POGLUT3: variants seen among roughly 807,000 people sequenced by gnomAD.
The protein encoded by POGLUT3 is KDEL (Lys-Asp-Glu-Leu) containing 2.
In POGLUT3, 48 loss-of-function variants were observed where a neutral mutation model predicts 54.3. The ratio of observed to expected loss-of-function variants is 0.88; its 90% CI spans 0.70 to 1.12. The LOEUF is 1.12. POGLUT3 is among the 50% of genes most tolerant of loss of function. The probability of loss-of-function intolerance (pLI) is 0.00; values close to 1 mark genes in which losing one functional copy is unlikely to be tolerated. For synonymous variants in POGLUT3, 218 were observed against 237.4 expected (o/e 0.92, Z 0.75); for missense variants, 629 against 618.7 (o/e 1.02, Z -0.18).
chr11:108,481,479 G>T, intron 4 of POGLUT3, 103 bp from the exon 5 acceptor site: 1 of 915,428 alleles, frequency 1.1e-6, no homozygotes, highest in Non-Finnish European at 1.6e-6. Context: ...AGATGCTAAA[G>T]CTCTTTTATC....
intron 4 of POGLUT3, 52 bp downstream of exon 4, chr11:108,481,954 C>T (rs2093593483): frequency 7.1e-6 from 10 of 1,415,832 alleles, no homozygotes; most frequent in Non-Finnish European, 9.9e-6. Context: ...GTATAACCCA[C>T]TCTGTCTCTA....
chr11:108,489,316 T>C (rs1223773057), intron 2 of POGLUT3, among the ~76,000 whole-genome samples: 2 of 152,196 alleles, frequency 1.3e-5, no homozygotes, highest in Non-Finnish European at 2.9e-5. Context: ...GAAGCAATAA[T>C]GGCCATAATT....
At chr11:108,483,237 C>G (rs1431489466) in intron 3 of POGLUT3, among the ~76,000 whole-genome samples, 1 of 152,238 alleles carries the variant, frequency 6.6e-6, no homozygotes, top group Non-Finnish European at 1.5e-5. Context: ...CCCAGCTTGG[C>G]TATAAGCCTC....
rs769937201 is a variant in POGLUT3, at chr11:108,486,284, A to G, written c.557T>C (p.Phe186Ser). The change falls in exon 3 of 8, where the codon TTT becomes TCT. Residue 186 changes from phenylalanine to serine, a missense_variant. Transcript: ENST00000323468. ...QQMLKEVPKR[F>S]GDERGAIVHY... ...AACAATGGCACCTCTCTCATCCCCAAACCTTTTGGGGACTTCTTTTAGCAT... is the reference window on the plus strand; with the variant it reads ...AACAATGGCACCTCTCTCATCCCCAGACCTTTTGGGGACTTCTTTTAGCAT... 1.2e-6 allele frequency: 2 copies of G among 1,614,016 alleles called. No individual in the cohort carries two copies. Among genetic ancestry groups the G allele is most frequent in the Admixed American group, 1.7e-5 (1 of 60,006 alleles).
chr11:108,484,692 GT>G (rs2093599446), intron 3 of POGLUT3, among the ~76,000 whole-genome samples: 1 of 152,116 alleles, frequency 6.6e-6, no homozygotes, highest in African/African-American at 2.4e-5. Context: ...GGAGACAGAG[GT>G]TGCAGTGAGC....
chr11:108,494,845 A>G (rs756811764), intron 1 of POGLUT3, among the ~76,000 whole-genome samples: 4 of 152,096 alleles, frequency 2.6e-5, no homozygotes, highest in Admixed American at 6.5e-5. Flanking sequence ...GTTACTCAGC[A>G]TCTCTAGCAA....
In POGLUT3 at chr11:108,491,044, G is replaced by A. The variant is rs765740776; in HGVS notation, c.326C>T (p.Thr109Ile). 6.2e-7 allele frequency: 1 copy of A among 1,613,876 alleles called. No homozygotes were observed. Among genetic ancestry groups the A allele is most frequent in the Non-Finnish European group, 8.5e-7 (1 of 1,179,946 alleles). Residue 109 changes from threonine (T) to isoleucine (I), a missense_variant, in exon 2 of 8, where the codon ACT (threonine) becomes ATT (isoleucine). Thr to Ile is a moderately conservative substitution (Grantham distance 89). Coordinates refer to ENST00000323468, the MANE Select transcript of POGLUT3 (RefSeq NM_153705.5). The stretch of plus-strand genomic sequence containing the variant: ...CTCTATCTTCAGGCCTTCATCGACA[G>A]TTTCATACATCCTATATCTCATCAA... ...TFLMRYRMYE[T>I]VDEGLKIEVL...
chr11:108,473,787 T>G lies in POGLUT3; in HGVS notation c.*1040A>C, dbSNP rs973781219. On this transcript the variant is annotated 3_prime_UTR_variant, in exon 8 of 8. Transcript: ENST00000323468. The stretch of plus-strand genomic sequence containing the variant: ...GCATACCTTCATCTATGTTAATAAC[T>G]GTATTGTCTTTGATGGGTATACAAC... 6.6e-6 allele frequency: 1 copy of G among 152,252 alleles called. No individual in the cohort carries two copies. The highest frequency in any genetic ancestry group is 1.9e-4 in the East Asian group (1 of 5,206). 9.4% of individuals were successfully genotyped at this position (152,252 alleles called of 1,614,324 possible).
At chr11:108,485,595 G>A (rs2093601643) in intron 3 of POGLUT3, among the ~76,000 whole-genome samples, 1 of 151,818 alleles carries the variant, frequency 6.6e-6, no homozygotes, top group Non-Finnish European at 1.5e-5. Context: ...TGTCCTGTAT[G>A]GCATACCTAC....
In POGLUT3 at chr11:108,472,394, A is replaced by G. The variant is rs1458357246; in HGVS notation, c.*2433T>C. On this transcript the variant is annotated 3_prime_UTR_variant, in exon 8 of 8. Coordinates refer to ENST00000323468, the MANE Select transcript of POGLUT3 (RefSeq NM_153705.5). Reference sequence around the variant, plus strand: ...CCTTCACTCCATCTTCTCCTCAGATATTGGTGAATCTCCTCCCAAACTTTC... The same window carrying G: ...CCTTCACTCCATCTTCTCCTCAGATGTTGGTGAATCTCCTCCCAAACTTTC... 1 of 152,216 alleles carries G rather than the reference A, an allele frequency of 6.6e-6. No homozygotes were observed. The highest frequency in any genetic ancestry group is 2.4e-5 in the African/African-American group (1 of 41,452). 9.4% of individuals were successfully genotyped at this position (152,216 alleles called of 1,614,324 possible).
intron 2 of POGLUT3, chr11:108,486,704 G>A (rs1002909171): frequency 1.0e-5 from 4 of 400,050 alleles, no homozygotes; most frequent in South Asian, 6.6e-5. Flanking sequence ...TCTCTAATAA[G>A]GTATAAATGG....
chr11:108,475,356 T>C (rs533388953), intron 7 of POGLUT3, among the ~76,000 whole-genome samples: 3 of 152,318 alleles, frequency 2.0e-5, no homozygotes, highest in South Asian at 2.1e-4. Flanking sequence ...TCACACATTC[T>C]TTCTTTTAGG....
At chr11:108,487,699 C>T (rs1294294878) in intron 2 of POGLUT3, among the ~76,000 whole-genome samples, 2 of 152,080 alleles carry the variant, frequency 1.3e-5, no homozygotes, top group African/African-American at 2.4e-5. Context: ...GCAACCTCCT[C>T]CTCCCATGCT....
At chr11:108,487,350 T>G (rs2093605511) in intron 2 of POGLUT3, among the ~76,000 whole-genome samples, 1 of 152,190 alleles carries the variant, frequency 6.6e-6, no homozygotes, top group Admixed American at 6.5e-5. Context: ...GCACAGGTTC[T>G]CAGGATGTCC....
chr11:108,475,463 G>GTTTTTTTT lies in POGLUT3; in HGVS notation c.1399-512_1399-511insAAAAAAAA, dbSNP rs367899085. The stretch of plus-strand genomic sequence containing the variant: ...TATTTCTATAAATGGAGTTTTTTTT[G>GTTTTTTTT]TTTTTGTTTTTTTTTTTTTTTGAGA... On this transcript the variant is annotated intron_variant, in intron 7 of 7. Transcript: ENST00000323468. Among the ~76,000 whole-genome samples the GTTTTTTTT allele has an allele frequency of 1.1e-3, 124 of 109,972 alleles. 2 individuals are homozygous for GTTTTTTTT. Among genetic ancestry groups the GTTTTTTTT allele is most frequent in the African/African-American group, 4.0e-3 (104 of 26,002 alleles). 72.1% of individuals were successfully genotyped at this position (109,972 alleles called of 152,430 possible). A position where few individuals can be genotyped will look rare whatever the true frequency, so the allele number is the denominator to read the frequency against.
At position 108,477,592 on chromosome 11, in the gene POGLUT3, A is replaced by T; in HGVS notation, c.1398+15T>A. 1 of 1,511,906 alleles carries T rather than the reference A, an allele frequency of 6.6e-7. No individual in the cohort carries two copies. The highest frequency in any genetic ancestry group is 1.1e-5 in the South Asian group (1 of 88,380). 93.7% of individuals were successfully genotyped at this position (1,511,906 alleles called of 1,614,324 possible). On this transcript the variant is annotated intron_variant, in intron 7 of 7. Transcript: ENST00000323468. ...ACACCCGACCCAGCAGTGTGGACGG[A>T]CACTCTGAACTGACCTGCAGTACTT...
intron 6 of POGLUT3, among the ~76,000 whole-genome samples, chr11:108,478,382 T>G (rs1474353921): frequency 1.3e-5 from 2 of 152,164 alleles, no homozygotes; most frequent in African/African-American, 4.8e-5. Flanking sequence ...GAAGTACTCT[T>G]CAGCTTCCGC....
At chr11:108,490,571 C>CA (rs1378764596) in intron 2 of POGLUT3, among the ~76,000 whole-genome samples, 2 of 151,930 alleles carry the variant, frequency 1.3e-5, no homozygotes, top group African/African-American at 4.8e-5. Context: ...TCAAAGTAAA[C>CA]AAAAAACAAA....
intron 3 of POGLUT3, among the ~76,000 whole-genome samples, chr11:108,484,812 A>G (rs1229268978): frequency 1.3e-5 from 2 of 152,190 alleles, no homozygotes. Flanking sequence ...TCTCTAAGTA[A>G]GAAAGATAAA....
Sources: gnomAD v4.1 joint callset for allele counts (sites outside exome capture counted in the v4.1 genomes callset) on GRCh38, gnomAD v4.1.1 for gene constraint, MANE v1.5 for transcripts, NCBI Gene and HGNC (gene_info 2026-07-23, HGNC 2026-07-21) for gene names.